The following GDI2 variants were observed in gnomAD, a reference collection of about 807,000 sequenced individuals.
GDI2 encodes the protein GDP dissociation inhibitor 2, also known as rab GDP dissociation inhibitor beta.
A neutral mutation model predicts 54.2 loss-of-function variants in GDI2; 22 were observed. That is an observed-to-expected ratio of 0.41 (90% CI 0.29 to 0.58). The LOEUF is 0.58. GDI2 is among the 20% of genes least tolerant of loss of function. The pLI is 0.35. For synonymous variants in GDI2, 177 were observed against 182.1 expected (o/e 0.97, Z 0.23); for missense variants, 422 against 546.0 (o/e 0.77, Z 2.26).
rs539604066 is a variant in GDI2 at position 5,768,736 on chromosome 10, A to T, written c.820-352T>A. ...AAGACCATTCAATGAGGGGAAAAAAAGTCATTTCAACAAACCGTCCTGGGA... is the reference window on the plus strand; with the variant it reads ...AAGACCATTCAATGAGGGGAAAAAATGTCATTTCAACAAACCGTCCTGGGA... On this transcript the variant is annotated intron_variant, in intron 7 of 10. Coordinates refer to ENST00000380191, the MANE Select transcript of GDI2 (RefSeq NM_001494.4). The surrounding 1 kb of genome is among the most constrained non-coding windows in gnomAD (Gnocchi z 4.4). The T allele has an allele frequency of 7.4e-5, 13 of 176,258 alleles. No homozygotes were observed. In the East Asian group the frequency reaches 2.0e-3, roughly 27 times the overall value. 10.9% of individuals were successfully genotyped at this position (176,258 alleles called of 1,614,324 possible).
rs1161274879 is a variant in GDI2, at chr10:5,796,820, T to C, written c.196A>G (p.Met66Val). The C allele has an allele frequency of 3.1e-6, 5 of 1,591,812 alleles. No homozygotes were observed. The highest frequency in any genetic ancestry group is 4.5e-5 in the East Asian group (2 of 44,720). The change falls in exon 3 of 11, where the codon ATG becomes GTG. Residue 66 changes from methionine (M) to valine (V), a missense_variant. Transcript: ENST00000380191. ...ACATTCCAGTCTCTTCCTCTCCCCA[T>C]TGACTCGGGTGGTGATCCTGGTATT... ...FKIPGSPPESMGRGRDWNVDL... is the reference protein window; with the variant it reads ...FKIPGSPPESVGRGRDWNVDL...
chr10:5,774,762 T>C lies in GDI2; in HGVS notation c.720-821A>G, dbSNP rs1588968821. Among the ~76,000 whole-genome samples, 1 of 152,180 alleles carries C rather than the reference T, an allele frequency of 6.6e-6. No individual in the cohort carries two copies. The highest frequency in any genetic ancestry group is 1.9e-4 in the East Asian group (1 of 5,192). ...CTGCTTCTTCAACTAAAATCGGCTC[T>C]TTCCCAAAACCCCACACTGTCTATT... On this transcript the variant is annotated intron_variant, in intron 6 of 10. Coordinates refer to ENST00000380191, the MANE Select transcript of GDI2 (RefSeq NM_001494.4). The surrounding 1 kb of genome is among the most constrained non-coding windows in gnomAD (Gnocchi z 4.8).
intron 4 of GDI2, among the ~76,000 whole-genome samples, chr10:5,794,551 C>G (rs1438329997): frequency 6.6e-6 from 1 of 152,018 alleles, no homozygotes; most frequent in Non-Finnish European, 1.5e-5. Flanking sequence ...GTGTTCAGTA[C>G]AGAGCCTTTA....
chr10:5,767,568 T>G (rs76098518), intron 8 of GDI2, among the ~76,000 whole-genome samples: 2,142 of 152,172 alleles, frequency 0.014, 49 homozygotes, highest in African/African-American at 0.049. Flanking sequence ...CAAGCAAGCC[T>G]CCTGCCTTGG....
At chr10:5,802,051 T>C (rs537712170) in intron 1 of GDI2, among the ~76,000 whole-genome samples, 17 of 152,222 alleles carry the variant, frequency 1.1e-4, no homozygotes, top group African/African-American at 3.6e-4. Context: ...TACCCTTCAA[T>C]AGTCATCTTT....
chr10:5,791,358 C>A (rs1178273480), intron 4 of GDI2, among the ~76,000 whole-genome samples: 1 of 152,102 alleles, frequency 6.6e-6, no homozygotes, highest in Non-Finnish European at 1.5e-5. Flanking sequence ...ACCTGTAACC[C>A]CAGCACTTTG....
At position 5,776,856 on chromosome 10, in the gene GDI2, T is replaced by C; in HGVS notation, c.720-2915A>G. On this transcript the variant is annotated intron_variant, in intron 6 of 10. Transcript: ENST00000380191. The surrounding 1 kb of genome is among the most constrained non-coding windows in gnomAD (Gnocchi z 5.3). ...AGGATATTCTGAAAGGATTTATGAA[T>C]AATTAAAATGGAAGGCCAGAGAAGA... The C allele has an allele frequency of 3.3e-6, 4 of 1,220,422 alleles. No individual in the cohort carries two copies. The highest frequency in any genetic ancestry group is 4.6e-6 in the Non-Finnish European group (4 of 869,086). The allele number at this position is 1,220,422 out of a possible 1,614,324, so 75.6% of individuals were successfully genotyped here.
intron 4 of GDI2, among the ~76,000 whole-genome samples, chr10:5,792,956 G>C (rs1588980930): frequency 1.0e-5 from 1 of 100,434 alleles, no homozygotes; most frequent in South Asian, 3.3e-4. Flanking sequence ...CACGACCTTT[G>C]TCCAAAAAAA....
chr10:5,789,187 C>G lies in GDI2; in HGVS notation c.389-3137G>C, dbSNP rs1280439027. Among the ~76,000 whole-genome samples, 3 of 152,038 alleles carry G rather than the reference C, an allele frequency of 2.0e-5. No individual in the cohort carries two copies. The East Asian group carries it at 5.8e-4, about 29-fold the overall frequency. ...GTGGCGCAACCACAGCTCACTGCAG[C>G]CACCAACTTCCTGGGCTCAAGCAAT... On this transcript the variant is annotated intron_variant, in intron 4 of 10. Coordinates refer to ENST00000380191, the MANE Select transcript of GDI2 (RefSeq NM_001494.4).
chr10:5,781,602 G>A (rs1379555100), intron 6 of GDI2, among the ~76,000 whole-genome samples: 1 of 138,708 alleles, frequency 7.2e-6, no homozygotes, highest in Non-Finnish European at 1.5e-5. Context: ...TCCGGCCTGG[G>A]CAAAACACCC....
chr10:5,797,797 C>T (rs777769822), intron 2 of GDI2, among the ~76,000 whole-genome samples: 5 of 152,024 alleles, frequency 3.3e-5, no homozygotes, highest in East Asian at 1.9e-4. Context: ...GTTCTCTATA[C>T]GGACTGTATA....
At chr10:5,783,720 T>C (rs1840810484) in intron 6 of GDI2, among the ~76,000 whole-genome samples, 1 of 152,250 alleles carries the variant, frequency 6.6e-6, no homozygotes, top group Admixed American at 6.5e-5. Context: ...TCTGTTTCAC[T>C]GGATACAAAA....
At chr10:5,795,396 T>C (rs2131708658) in intron 3 of GDI2, among the ~76,000 whole-genome samples, 1 of 152,254 alleles carries the variant, frequency 6.6e-6, no homozygotes, top group South Asian at 2.1e-4. Flanking sequence ...GCTGGGATTA[T>C]AGGCACGAGG....
At chr10:5,786,164 A>AT (rs1840871267) in intron 4 of GDI2, 114 bp from the exon 5 acceptor site, 4 of 450,488 alleles carry the variant, frequency 8.9e-6, no homozygotes, top group Admixed American at 1.0e-4. Flanking sequence ...TGCAGGATGC[A>AT]ATTTTTTTTT....
chr10:5,787,814 A>C (rs1840913418), intron 4 of GDI2, among the ~76,000 whole-genome samples: 2 of 152,248 alleles, frequency 1.3e-5, no homozygotes, highest in Non-Finnish European at 2.9e-5. Flanking sequence ...GTTATTTTGG[A>C]GTATCTCCCA....
chr10:5,794,198 T>C (rs1418485917), intron 4 of GDI2, among the ~76,000 whole-genome samples: 13 of 48,772 alleles, frequency 2.7e-4, no homozygotes, highest in African/African-American at 9.7e-4. Flanking sequence ...AATATATATA[T>C]ATATATATAT....
In GDI2 at chr10:5,766,337, C is replaced by A. The variant is rs1840332128; in HGVS notation, c.1137-42G>T. The stretch of plus-strand genomic sequence containing the variant: ...TTCAGTCAGGTGAGCTGGTCCCACA[C>A]CTGACCATGGCTCTGCCTGAGGTCA... On this transcript the variant is annotated intron_variant, in intron 9 of 10. Transcript: ENST00000380191. This position sits in a 1 kb window ranked among gnomAD's most constrained non-coding sequence, Gnocchi z 5.8. 6.5e-7 allele frequency: 1 copy of A among 1,549,876 alleles called. No homozygotes were observed. The highest frequency in any genetic ancestry group is 1.1e-5 in the South Asian group (1 of 89,770).
intron 1 of GDI2, among the ~76,000 whole-genome samples, chr10:5,802,975 T>C (rs372588370): frequency 6.6e-6 from 1 of 152,228 alleles, no homozygotes; most frequent in East Asian, 1.9e-4. Context: ...TACAATAACC[T>C]GAAAGGCTAT....
intron 4 of GDI2, among the ~76,000 whole-genome samples, chr10:5,787,268 G>C (rs1299717408): frequency 6.6e-6 from 1 of 152,234 alleles, no homozygotes; most frequent in Admixed American, 6.5e-5. Context: ...ACTTTGGAAG[G>C]CTGAGGAGGG....
Sources: allele counts gnomAD v4.1 joint callset (sites outside exome capture counted in the v4.1 genomes callset), GRCh38; gene constraint gnomAD v4.1.1; non-coding constraint Gnocchi (gnomAD v3.1); transcripts MANE v1.5; gene names NCBI Gene and HGNC (gene_info 2026-07-23, HGNC 2026-07-21).